CNTNAP4: variants seen among roughly 807,000 people sequenced by gnomAD.
The protein encoded by CNTNAP4 is contactin associated protein family member 4.
CNTNAP4 carries 98 observed loss-of-function variants against 148.4 expected under a neutral mutation model. The observed-to-expected ratio is 0.66, with a 90% CI of 0.56 to 0.78. The LOEUF is 0.78. Ranked by LOEUF, CNTNAP4 falls within the 30% of genes least tolerant of loss-of-function variation. CNTNAP4 has a pLI of 0.00. For synonymous variants in CNTNAP4, 730 were observed against 565.1 expected, an observed-to-expected ratio of 1.29 and a Z score of -4.14; for missense variants, 1,935 against 1,565.6, an observed-to-expected ratio of 1.24 and a Z score of -3.98.
chr16:76,389,660 C>T lies in CNTNAP4; in HGVS notation c.390+34149C>T, dbSNP rs577373589. 2.7e-4 allele frequency among the ~76,000 whole-genome samples: 41 copies of T among 151,980 alleles called. 1 individual carries two copies. The highest frequency in any genetic ancestry group is 9.4e-4 in the African/African-American group (39 of 41,456). On this transcript the variant is annotated intron_variant, in intron 3 of 23. Coordinates refer to ENST00000611870, the MANE Select transcript of CNTNAP4 (RefSeq NM_033401.5). ...TCTTTTTAGTAGAAACAGGGTTTCGCCATGTTGTCCAGGCTGGTCTTGAAC... is the reference window on the plus strand; with the variant it reads ...TCTTTTTAGTAGAAACAGGGTTTCGTCATGTTGTCCAGGCTGGTCTTGAAC...
At chr16:76,362,097 T>C (rs957496928) in intron 3 of CNTNAP4, among the ~76,000 whole-genome samples, 3 of 152,126 alleles carry the variant, frequency 2.0e-5, no homozygotes, top group African/African-American at 4.8e-5. Context: ...ATTTAGTTTA[T>C]ACATACTAAC....
intron 2 of CNTNAP4, among the ~76,000 whole-genome samples, chr16:76,347,624 C>T (rs1965016768): frequency 6.6e-6 from 1 of 152,048 alleles, no homozygotes; most frequent in South Asian, 2.1e-4. Flanking sequence ...GCCTCTAAGA[C>T]AGGGTAATAT....
At chr16:76,400,991 CT>C (rs559817377) in intron 3 of CNTNAP4, among the ~76,000 whole-genome samples, 18 of 152,112 alleles carry the variant, frequency 1.2e-4, no homozygotes, top group African/African-American at 4.3e-4. Flanking sequence ...AGCATTGTTC[CT>C]TTGGATTAGG....
At chr16:76,281,287 C>T (rs1269807806) in intron 1 of CNTNAP4, among the ~76,000 whole-genome samples, 2 of 152,064 alleles carry the variant, frequency 1.3e-5, no homozygotes, top group Non-Finnish European at 2.9e-5. Flanking sequence ...TAGTAAAGTA[C>T]TGATAAAATA....
intron 18 of CNTNAP4, among the ~76,000 whole-genome samples, chr16:76,537,220 T>C (rs558873680): frequency 1.3e-5 from 2 of 152,312 alleles, no homozygotes; most frequent in South Asian, 4.1e-4. Context: ...TATGCACATA[T>C]TATATTGAAT....
intron 4 of CNTNAP4, chr16:76,432,585 A>T (rs2079648628): frequency 6.6e-6 from 1 of 152,228 alleles, no homozygotes; most frequent in South Asian, 2.1e-4. Context: ...TGCTACAGAA[A>T]CAATACTACA....
At chr16:76,346,312 A>G (rs1964896098) in intron 2 of CNTNAP4, among the ~76,000 whole-genome samples, 1 of 151,268 alleles carries the variant, frequency 6.6e-6, no homozygotes, top group African/African-American at 2.4e-5. Context: ...CTTTTCTACC[A>G]TTAAGTGGAA....
At chr16:76,516,166 C>A (rs2083244932) in intron 15 of CNTNAP4, among the ~76,000 whole-genome samples, 1 of 145,332 alleles carries the variant, frequency 6.9e-6, no homozygotes, top group Non-Finnish European at 1.5e-5. Flanking sequence ...TTATTTAACT[C>A]CCACTTACAA....
In CNTNAP4 at chr16:76,525,477, AT is replaced by A. The variant is rs554917571; in HGVS notation, c.2755+3221del. Among the ~76,000 whole-genome samples, 509 of 148,368 alleles carry A rather than the reference AT, an allele frequency of 3.4e-3. 2 individuals are homozygous for A. Among genetic ancestry groups the A allele is most frequent in the African/African-American group, 9.5e-3 (390 of 40,948 alleles). On this transcript the variant is annotated intron_variant, in intron 17 of 23. Coordinates refer to ENST00000611870, the MANE Select transcript of CNTNAP4 (RefSeq NM_033401.5). ...AAAATGTATATAATATAGAGAAAAA[AT>A]ATATATATAACTATATATAGTTTTT...
intron 1 of CNTNAP4, among the ~76,000 whole-genome samples, chr16:76,312,401 G>A (rs1961223134): frequency 6.6e-6 from 1 of 152,118 alleles, no homozygotes; most frequent in Non-Finnish European, 1.5e-5. Context: ...TGTTTTATTG[G>A]TGCAGTCAGA....
chr16:76,478,271 A>G (rs1286845407), intron 11 of CNTNAP4, among the ~76,000 whole-genome samples: 1 of 152,240 alleles, frequency 6.6e-6, no homozygotes, highest in Non-Finnish European at 1.5e-5. Context: ...CAAGGACTTT[A>G]TGAACATATG....
chr16:76,476,678 C>T (rs1367035524), intron 11 of CNTNAP4, among the ~76,000 whole-genome samples: 1 of 152,122 alleles, frequency 6.6e-6, no homozygotes, highest in Non-Finnish European at 1.5e-5. Flanking sequence ...ACTGTGTCCT[C>T]ACATGGTGAA....
chr16:76,420,195 ATATG>A (rs2079127733), intron 3 of CNTNAP4, among the ~76,000 whole-genome samples: 2 of 64,554 alleles, frequency 3.1e-5, no homozygotes, highest in East Asian at 1.1e-3. Context: ...TAACAGAATA[ATATG>A]TATATTCTGT....
intron 15 of CNTNAP4, among the ~76,000 whole-genome samples, chr16:76,518,964 G>T (rs2083356432): frequency 6.6e-6 from 1 of 152,108 alleles, no homozygotes; most frequent in Non-Finnish European, 1.5e-5. Flanking sequence ...TGCAGCTCCT[G>T]CTGCTGCCTG....
Position 76,452,671 on chromosome 16 carries a change from T to C in CNTNAP4, c.1235T>C (p.Leu412Pro). The stretch of plus-strand genomic sequence containing the variant: ...GCAGGGCTTCTGCTGTTCAGTGAAC[T>C]TCAGCTGATTTCAGGGGGTATCCTC... ...NKAGLLLFSELQLISGGILLF... is the reference protein window; with the variant it reads ...NKAGLLLFSEPQLISGGILLF... The change falls in exon 8 of 24, where the codon CTT becomes CCT. Residue 412 changes from leucine (L) to proline (P), a missense_variant. Leu to Pro is a moderately conservative substitution (Grantham distance 98). Coordinates refer to ENST00000611870, the MANE Select transcript of CNTNAP4 (RefSeq NM_033401.5). The C allele has an allele frequency of 6.2e-7, 1 of 1,613,842 alleles. No homozygotes were observed. Among genetic ancestry groups the C allele is most frequent in the African/African-American group, 1.3e-5 (1 of 75,044 alleles).
chr16:76,300,627 C>A (rs1354213102), intron 1 of CNTNAP4, among the ~76,000 whole-genome samples: 2 of 152,172 alleles, frequency 1.3e-5, no homozygotes, highest in Non-Finnish European at 2.9e-5. Context: ...TTAAAATTCT[C>A]TGACCTTCAA....
intron 2 of CNTNAP4, among the ~76,000 whole-genome samples, chr16:76,323,688 G>A (rs1041404635): frequency 2.6e-5 from 4 of 151,976 alleles, no homozygotes; most frequent in African/African-American, 9.7e-5. Context: ...CCCTTCCTTA[G>A]AACATGCTGC....
At chr16:76,293,477 T>G (rs960647015) in intron 1 of CNTNAP4, among the ~76,000 whole-genome samples, 2 of 152,178 alleles carry the variant, frequency 1.3e-5, no homozygotes, top group Non-Finnish European at 2.9e-5. Flanking sequence ...GTTTTCTAGT[T>G]TTCTTCCTAT....
At chr16:76,294,641 T>C (rs1234136286) in intron 1 of CNTNAP4, among the ~76,000 whole-genome samples, 1 of 152,230 alleles carries the variant, frequency 6.6e-6, no homozygotes, top group Non-Finnish European at 1.5e-5. Flanking sequence ...ACACTCACTC[T>C]TCTCTGGGTT....
Sources: allele counts gnomAD v4.1 joint callset (sites outside exome capture counted in the v4.1 genomes callset), GRCh38; gene constraint gnomAD v4.1.1; transcripts MANE v1.5; gene names NCBI Gene and HGNC (gene_info 2026-07-23, HGNC 2026-07-21).